Variants in SOX5 observed in about 807,000 individuals in gnomAD.
SOX5 encodes SRY-box transcription factor 5.
Under a neutral mutation model 92.0 loss-of-function variants are expected in SOX5, and 9 were observed. That is an observed-to-expected ratio of 0.10 (90% confidence interval 0.06 to 0.17). The LOEUF is 0.17. Ranked by LOEUF, SOX5 falls within the 10% of genes least tolerant of loss-of-function variation. The pLI, the probability that SOX5 is intolerant of heterozygous loss-of-function variation, is 1.00. For missense variants in SOX5, 642 were observed against 944.5 expected, an observed-to-expected ratio of 0.68 and a Z score of 4.20; for synonymous variants, 344 against 336.3, an observed-to-expected ratio of 1.02 and a Z score of -0.25.
At chr12:23,742,808 A>T (rs568550686) in intron 4 of SOX5, among the ~76,000 whole-genome samples, 21 of 152,322 alleles carry the variant, frequency 1.4e-4, no homozygotes, top group Admixed American at 3.9e-4. Flanking sequence ...ACTGGACAAC[A>T]TAGCAAGACT....
chr12:23,709,344 A>G (rs1230739085), intron 6 of SOX5, among the ~76,000 whole-genome samples: 3 of 152,098 alleles, frequency 2.0e-5, no homozygotes, highest in South Asian at 4.1e-4. Context: ...GGCTCAAGCA[A>G]TCCTCCAACC....
intron 4 of SOX5, among the ~76,000 whole-genome samples, chr12:24,155,538 T>A (rs1464446949): frequency 1.3e-5 from 2 of 152,132 alleles, no homozygotes; most frequent in African/African-American, 4.8e-5. Context: ...AAAGCAAAAT[T>A]AGCAATCTAG....
intron 1 of SOX5, among the ~76,000 whole-genome samples, chr12:24,452,940 AAAGT>A (rs1942524346): frequency 6.6e-6 from 1 of 152,244 alleles, no homozygotes; most frequent in Admixed American, 6.5e-5. Context: ...GCTTCAATGC[AAAGT>A]AATTAAATAG....
At chr12:24,331,427 C>T (rs1951289217) in intron 2 of SOX5, 1 of 152,056 alleles carries the variant, frequency 6.6e-6, no homozygotes, top group Admixed American at 6.6e-5. Context: ...AACAAAAGCA[C>T]TTTGGAATTT....
chr12:23,852,170 G>T (rs1019211412), intron 2 of SOX5, among the ~76,000 whole-genome samples: 1 of 151,914 alleles, frequency 6.6e-6, no homozygotes. Flanking sequence ...ACTTAAACAG[G>T]CATCTGCAAC....
chr12:24,232,038 C>G (rs1441767323), intron 3 of SOX5, among the ~76,000 whole-genome samples: 2 of 152,144 alleles, frequency 1.3e-5, no homozygotes, highest in Non-Finnish European at 2.9e-5. Context: ...GTAACTCAAT[C>G]TAGGAACAAT....
At chr12:23,555,405 T>G (rs1213897155) in intron 11 of SOX5, among the ~76,000 whole-genome samples, 1 of 151,678 alleles carries the variant, frequency 6.6e-6, no homozygotes, top group Non-Finnish European at 1.5e-5. Flanking sequence ...CAGAATGATG[T>G]AAAGAACACA....
intron 2 of SOX5, among the ~76,000 whole-genome samples, chr12:24,293,781 A>G (rs1224129594): frequency 6.6e-6 from 1 of 152,202 alleles, no homozygotes; most frequent in Non-Finnish European, 1.5e-5. Flanking sequence ...GCATACTGAT[A>G]CCAGTTTCTG....
intron 11 of SOX5, among the ~76,000 whole-genome samples, chr12:23,559,170 C>T (rs1274197452): frequency 6.6e-6 from 1 of 152,076 alleles, no homozygotes; most frequent in Non-Finnish European, 1.5e-5. Flanking sequence ...AACACAAGCT[C>T]AAGAATCTGT....
At chr12:23,563,117 G>A in intron 11 of SOX5, 141 bp downstream of exon 11, 1 of 644,698 alleles carries the variant, frequency 1.6e-6, no homozygotes. Flanking sequence ...ATGGCGATGA[G>A]GCCTTCTATA....
chr12:23,913,203 T>C (rs1244355786), intron 1 of SOX5, among the ~76,000 whole-genome samples: 3 of 152,208 alleles, frequency 2.0e-5, no homozygotes, highest in Non-Finnish European at 2.9e-5. Context: ...AATTTTTTTA[T>C]GAAAGAACTT....
intron 4 of SOX5, among the ~76,000 whole-genome samples, chr12:23,747,768 C>T (rs1473732410): frequency 6.6e-6 from 1 of 152,032 alleles, no homozygotes; most frequent in East Asian, 1.9e-4. Flanking sequence ...TGCCTCCAGA[C>T]ATTGTCAAAT....
At chr12:24,263,679 T>A (rs1373947836) in intron 3 of SOX5, among the ~76,000 whole-genome samples, 1 of 152,134 alleles carries the variant, frequency 6.6e-6, no homozygotes, top group Non-Finnish European at 1.5e-5. Context: ...AAAAAATAGA[T>A]TAAAATCTTA....
chr12:23,624,095 A>G (rs996570746), intron 8 of SOX5, among the ~76,000 whole-genome samples: 2 of 152,128 alleles, frequency 1.3e-5, no homozygotes, highest in African/African-American at 4.8e-5. Flanking sequence ...ATGGAAGGCC[A>G]AATACTGTAT....
At chr12:23,790,201 A>G (rs1424715403) in intron 3 of SOX5, among the ~76,000 whole-genome samples, 1 of 152,152 alleles carries the variant, frequency 6.6e-6, no homozygotes, top group Non-Finnish European at 1.5e-5. Flanking sequence ...TTTCCAGTTT[A>G]TGTGTTCTAC....
At chr12:24,562,448 C>G (rs890987075) in exon 1 of SOX5, 1 of 151,958 alleles carries the variant, frequency 6.6e-6, no homozygotes. Context: ...CTTTTTCACT[C>G]TGTGTGTGTG....
chr12:23,707,267 T>C (rs2091503027), intron 6 of SOX5, among the ~76,000 whole-genome samples: 1 of 152,182 alleles, frequency 6.6e-6, no homozygotes, highest in Non-Finnish European at 1.5e-5. Flanking sequence ...AGGCTGGTTC[T>C]TTAGGTCATC....
intron 7 of SOX5, among the ~76,000 whole-genome samples, chr12:23,652,999 T>TGG (rs1566729259): frequency 5.3e-5 from 8 of 150,276 alleles, no homozygotes; most frequent in African/African-American, 2.0e-4. Context: ...GATGAATGAA[T>TGG]ATGGATGGAT....
chr12:24,233,570 C>T (rs953819164), intron 3 of SOX5, among the ~76,000 whole-genome samples: 1 of 152,166 alleles, frequency 6.6e-6, no homozygotes, highest in African/African-American at 2.4e-5. Context: ...TTTGTGTAAG[C>T]GAACTTTAAG....
Sources: allele counts gnomAD v4.1 joint callset (sites outside exome capture counted in the v4.1 genomes callset), GRCh38; gene constraint gnomAD v4.1.1; transcripts MANE v1.5; gene names NCBI Gene and HGNC (gene_info 2026-07-23, HGNC 2026-07-21).